PREX1: variants seen among roughly 807,000 people sequenced by gnomAD.
PREX1 encodes the protein phosphatidylinositol-3,4,5-trisphosphate dependent Rac exchange factor 1, also known as phosphatidylinositol 3,4,5-trisphosphate-dependent Rac exchanger 1 protein.
In PREX1, 41 loss-of-function variants were observed where a neutral mutation model predicts 198.3. The observed-to-expected ratio is 0.21, with a 90% CI of 0.16 to 0.27. PREX1 has a LOEUF of 0.27. Among genes scored for constraint, PREX1 ranks in the 10% least tolerant of loss-of-function variants. The pLI is 1.00. For synonymous variants in PREX1, 843 were observed against 887.2 expected (o/e 0.95, Z 0.89); for missense variants, 1,620 against 2,200.7 (o/e 0.74, Z 5.28).
In PREX1 at chr20:48,642,492, G is replaced by T. The variant is rs1406870912; in HGVS notation, c.3602-3C>A. 1 of 1,609,144 alleles carries T rather than the reference G, an allele frequency of 6.2e-7. No individual in the cohort carries two copies. Among genetic ancestry groups the T allele is most frequent in the Non-Finnish European group, 8.5e-7 (1 of 1,176,816 alleles). ...CATGTCACAGGGCAGCTCATCTCCTGGCAGGAGGTAGAAGCAGCAGCCATC... is the reference window on the plus strand; with the variant it reads ...CATGTCACAGGGCAGCTCATCTCCTTGCAGGAGGTAGAAGCAGCAGCCATC... On this transcript the variant is annotated splice_region_variant and splice_polypyrimidine_tract_variant and intron_variant, in intron 27 of 39. Transcript: ENST00000371941.
At chr20:48,649,108 G>A (rs752907518) in intron 25 of PREX1, among the ~76,000 whole-genome samples, 192 bp downstream of exon 25, 1 of 152,136 alleles carries the variant, frequency 6.6e-6, no homozygotes, top group Non-Finnish European at 1.5e-5. Context: ...AGACATTTTT[G>A]GTTGTCACAA....
intron 1 of PREX1, among the ~76,000 whole-genome samples, chr20:48,792,114 T>C (rs2090341423): frequency 6.6e-6 from 1 of 152,134 alleles, no homozygotes; most frequent in Non-Finnish European, 1.5e-5. Flanking sequence ...AAGCACTCAA[T>C]AAATGTTAAA....
intron 6 of PREX1, among the ~76,000 whole-genome samples, chr20:48,703,439 A>G (rs2089885762): frequency 6.6e-6 from 1 of 152,140 alleles, no homozygotes; most frequent in African/African-American, 2.4e-5. Flanking sequence ...ACCAAGACTC[A>G]GGGCTGTCAT....
chr20:48,659,124 G>T (rs867159350), intron 16 of PREX1, among the ~76,000 whole-genome samples: 11 of 146,528 alleles, frequency 7.5e-5, no homozygotes, highest in Non-Finnish European at 1.4e-4. Context: ...AGCCACTGGG[G>T]AGGCAGAGGA....
chr20:48,863,499 G>GTT, the PREX1 span, among the ~76,000 whole-genome samples: 1 of 103,572 alleles, frequency 9.7e-6, no homozygotes, highest in African/African-American at 3.6e-5. Context: ...GGGTTTTTTT[G>GTT]TTTTTTTTTT....
At chr20:48,826,727 C>T (rs559373108) in intron 1 of PREX1, among the ~76,000 whole-genome samples, 16 of 152,196 alleles carry the variant, frequency 1.1e-4, no homozygotes, top group South Asian at 8.3e-4. Context: ...TGGTGGCTGG[C>T]GCGTGCCTGT....
upstream of PREX1, among the ~76,000 whole-genome samples, chr20:48,828,680 T>C (rs531146602): frequency 6.6e-6 from 1 of 152,294 alleles, no homozygotes; most frequent in South Asian, 2.1e-4. Flanking sequence ...CTTTCCCATC[T>C]CTCTCTTTCC....
At chr20:48,714,716 C>G (rs1333549098) in intron 5 of PREX1, among the ~76,000 whole-genome samples, 1 of 152,192 alleles carries the variant, frequency 6.6e-6, no homozygotes, top group African/African-American at 2.4e-5. Flanking sequence ...CTTGAGACAC[C>G]ATGATCCAGC....
At position 48,639,799 on chromosome 20, in the gene PREX1, T is replaced by C; in HGVS notation, c.3871A>G (p.Thr1291Ala). The C allele has an allele frequency of 6.2e-7, 1 of 1,613,866 alleles. No homozygotes were observed. Among genetic ancestry groups the C allele is most frequent in the East Asian group, 2.2e-5 (1 of 44,872 alleles). The change falls in exon 30 of 40, where the codon ACC becomes GCC. Residue 1291 changes from threonine to alanine, a missense_variant. By Grantham distance (58) the Thr-to-Ala change is moderately conservative. This residue lies in a region of PREX1 where 476 missense variants were observed against 603.4 expected (regional missense o/e 0.79). Coordinates refer to ENST00000371941, the MANE Select transcript of PREX1 (RefSeq NM_020820.4). Reference protein sequence around the residue: ...DPWNLPNSIKTLVDNIQRYVE... With the variant: ...DPWNLPNSIKALVDNIQRYVE... ...TATCTCTGAATGTTGTCCACCAGGG[T>C]CTTGATGGAGTTGGGGAGGTTCCAG...
At chr20:48,653,261 G>A in intron 20 of PREX1, 100 bp downstream of exon 20, 1 of 1,513,254 alleles carries the variant, frequency 6.6e-7, no homozygotes, top group Non-Finnish European at 9.0e-7. Context: ...CTCACAACCA[G>A]TGGTACATGC....
At chr20:48,672,804 G>A (rs1170304621) in intron 14 of PREX1, among the ~76,000 whole-genome samples, 1 of 152,146 alleles carries the variant, frequency 6.6e-6, no homozygotes, top group Non-Finnish European at 1.5e-5. Context: ...GCCCATGTGA[G>A]GGGGAGATCC....
chr20:48,664,304 G>C (rs1015819467), intron 15 of PREX1, among the ~76,000 whole-genome samples: 8 of 152,128 alleles, frequency 5.3e-5, no homozygotes, highest in Admixed American at 4.6e-4. Context: ...GAACCCAGGA[G>C]GTGGAGCTTG....
At chr20:48,799,765 T>C (rs1185016821) in intron 1 of PREX1, among the ~76,000 whole-genome samples, 1 of 151,894 alleles carries the variant, frequency 6.6e-6, no homozygotes, top group Non-Finnish European at 1.5e-5. Context: ...GCCAGCTGGG[T>C]TGAAACCCAA....
upstream of PREX1, among the ~76,000 whole-genome samples, chr20:48,828,183 C>T (rs1208496038): frequency 6.6e-6 from 1 of 150,810 alleles, no homozygotes; most frequent in African/African-American, 2.4e-5. Context: ...CCCCTGGGGA[C>T]GCGGCGCGGC....
the PREX1 span, among the ~76,000 whole-genome samples, chr20:48,849,941 G>A: frequency 6.6e-6 from 1 of 152,144 alleles, no homozygotes; most frequent in Non-Finnish European, 1.5e-5. Flanking sequence ...CAGATGTTCT[G>A]GGTTCATATC....
intron 22 of PREX1, 26 bp downstream of exon 22, chr20:48,651,370 C>T (rs776142444): frequency 1.9e-6 from 3 of 1,573,644 alleles, no homozygotes; most frequent in African/African-American, 1.3e-5. Context: ...CAGGGTAGGG[C>T]AGGGCCAGGC....
At chr20:48,769,621 A>G (rs968974078) in intron 1 of PREX1, among the ~76,000 whole-genome samples, 6 of 152,164 alleles carry the variant, frequency 3.9e-5, no homozygotes, top group African/African-American at 1.4e-4. Flanking sequence ...AGGTGCAGAA[A>G]CACATGAGAC....
the PREX1 span, among the ~76,000 whole-genome samples, chr20:48,854,908 T>C: frequency 4.2e-3 from 646 of 152,330 alleles, 2 homozygotes; most frequent in South Asian, 0.033. Context: ...TGTTTGCACC[T>C]GGCTGTGTGA....
chr20:48,802,198 T>C (rs1266389937), intron 1 of PREX1, among the ~76,000 whole-genome samples: 1 of 152,076 alleles, frequency 6.6e-6, no homozygotes, highest in African/African-American at 2.4e-5. Context: ...GAGGGGTTCT[T>C]TTAAAAGGTA....
Sources: allele counts gnomAD v4.1 joint callset (sites outside exome capture counted in the v4.1 genomes callset), GRCh38; gene constraint gnomAD v4.1.1; regional missense constraint gnomAD v4.1.1; transcripts MANE v1.5; gene names NCBI Gene and HGNC (gene_info 2026-07-23, HGNC 2026-07-21).